AREL1: variants seen among roughly 807,000 people sequenced by gnomAD.
AREL1 encodes the protein apoptosis resistant E3 ubiquitin protein ligase 1, also known as apoptosis-resistant E3 ubiquitin protein ligase 1.
In AREL1, 62 loss-of-function variants were observed where a neutral mutation model predicts 99.0. The observed-to-expected ratio is 0.63, with a 90% CI of 0.51 to 0.77. The LOEUF (loss-of-function observed/expected upper bound fraction) is 0.77, where lower values mean the gene tolerates loss of function less well. Ranked by LOEUF, AREL1 falls within the 30% of genes least tolerant of loss-of-function variation. The pLI, the probability that AREL1 is intolerant of heterozygous loss-of-function variation, is 0.00. For synonymous variants in AREL1, 380 were observed against 376.5 expected, an observed-to-expected ratio of 1.01 and a Z score of -0.11; for missense variants, 879 against 1,027.6, an observed-to-expected ratio of 0.86 and a Z score of 1.98.
At chr14:74,711,987 A>G (rs1193321621) in intron 1 of AREL1, 1 of 141,594 alleles carries the variant, frequency 7.1e-6, no homozygotes, top group African/African-American at 2.5e-5. Flanking sequence ...TGACAGAGGT[A>G]CCCATTCCGT....
At chr14:74,695,609 A>G (rs1355153671) in intron 1 of AREL1, among the ~76,000 whole-genome samples, 1 of 152,030 alleles carries the variant, frequency 6.6e-6, no homozygotes, top group African/African-American at 2.4e-5. Flanking sequence ...CTCTTCCCAC[A>G]CCAGATAGAA....
rs1189941652 is a variant in AREL1, at chr14:74,713,076, G to A, written c.-477C>T. ...CACCCGGCCTGGGAACCGGCTCGGG[G>A]GATTGCCCTTTCCCCAAGGAGTTTC... is the stretch of plus-strand genomic sequence containing the variant. On this transcript the variant is annotated 5_prime_UTR_variant, in exon 1 of 20. Transcript: ENST00000356357. 1 of 1,588,074 alleles carries A rather than the reference G, an allele frequency of 6.3e-7. No individual in the cohort carries two copies. Among genetic ancestry groups the A allele is most frequent in the South Asian group, 1.1e-5 (1 of 90,472 alleles).
chr14:74,705,045 T>TG (rs1175227915), intron 1 of AREL1, among the ~76,000 whole-genome samples: 4 of 148,798 alleles, frequency 2.7e-5, no homozygotes, highest in South Asian at 4.2e-4. Context: ...CTTCTGTTGT[T>TG]TTTTTTTTTT....
At chr14:74,685,962 T>C (rs2089739025) in intron 2 of AREL1, among the ~76,000 whole-genome samples, 2 of 152,226 alleles carry the variant, frequency 1.3e-5, no homozygotes, top group Admixed American at 1.3e-4. Flanking sequence ...CTTAGATCCA[T>C]AGTTCCCAAG....
At chr14:74,678,069 A>G (rs2089534456) in intron 5 of AREL1, 1 of 385,478 alleles carries the variant, frequency 2.6e-6, no homozygotes, top group South Asian at 2.0e-5. Flanking sequence ...AGTTCCAGCA[A>G]GATTATTTAT....
Position 74,692,319 on chromosome 14 carries a change from C to G in AREL1, c.-324G>C, listed in dbSNP as rs936336250. On this transcript the variant is annotated 5_prime_UTR_variant, in exon 2 of 20. Coordinates refer to ENST00000356357, the MANE Select transcript of AREL1 (RefSeq NM_001039479.2). ...GGGTGCAATCGACTGCCAAAGGACG[C>G]CCCAGGATCCTGTCCAAAAAAGAAA... 13 of 432,656 alleles carry G rather than the reference C, an allele frequency of 3.0e-5. No individual in the cohort carries two copies. The Admixed American group carries it at 3.7e-4, about 12-fold the overall frequency. 26.8% of individuals were successfully genotyped at this position (432,656 alleles called of 1,614,324 possible).
In AREL1 at chr14:74,688,019, CT is replaced by C. The variant is rs764034669; in HGVS notation, c.-45-2360del. Among the ~76,000 whole-genome samples the C allele has an allele frequency of 4.1e-3, 446 of 108,712 alleles. 2 individuals carry two copies. Among genetic ancestry groups the C allele is most frequent in the African/African-American group, 0.013 (358 of 27,986 alleles). The allele number at this position is 108,712 out of a possible 152,430, so 71.3% of individuals were successfully genotyped here. A position where few individuals can be genotyped will look rare whatever the true frequency, so the allele number is the denominator to read the frequency against. On this transcript the variant is annotated intron_variant, in intron 2 of 19. Coordinates refer to ENST00000356357, the MANE Select transcript of AREL1 (RefSeq NM_001039479.2). ...TCGTCCAACAAATACTGAGTACTTA[CT>C]TTTTTTTTTTTTTTTTTTTTTTTTT...
chr14:74,683,244 AAGAG>A (rs1293002210), intron 5 of AREL1, 48 bp downstream of exon 5: 1 of 1,286,596 alleles, frequency 7.8e-7, no homozygotes, highest in Non-Finnish European at 1.1e-6. Flanking sequence ...ACAGGATGGA[AAGAG>A]AGAGAGGGAA....
chr14:74,671,626 A>C, intron 11 of AREL1, 143 bp from the exon 12 acceptor site: 1 of 504,370 alleles, frequency 2.0e-6, no homozygotes, highest in Non-Finnish European at 3.5e-6. Context: ...AACAAGCTTT[A>C]ATGATACCAC....
intron 17 of AREL1, among the ~76,000 whole-genome samples, chr14:74,666,844 C>G (rs1261744553): frequency 6.6e-6 from 1 of 151,864 alleles, no homozygotes; most frequent in East Asian, 1.9e-4. Flanking sequence ...CTCAGCTTCC[C>G]AAGTAGCTGG....
chr14:74,686,960 G>A (rs532941513), intron 2 of AREL1, among the ~76,000 whole-genome samples: 1 of 152,238 alleles, frequency 6.6e-6, no homozygotes, highest in South Asian at 2.1e-4. Context: ...CTCATCTCTT[G>A]GGACCCTATG....
intron 1 of AREL1, among the ~76,000 whole-genome samples, chr14:74,709,560 A>G (rs1308292220): frequency 6.6e-6 from 1 of 152,214 alleles, no homozygotes; most frequent in South Asian, 2.1e-4. Flanking sequence ...TGCTTTCTGA[A>G]TGAATGACCA....
chr14:74,705,541 A>C (rs925363544), intron 1 of AREL1, among the ~76,000 whole-genome samples: 1 of 152,194 alleles, frequency 6.6e-6, no homozygotes, highest in Non-Finnish European at 1.5e-5. Flanking sequence ...ATGCACCTTG[A>C]AGTTAAGCCA....
At position 74,685,758 on chromosome 14, in the gene AREL1, T is replaced by C. The variant is rs45559240; in HGVS notation, c.-45-98A>G. ...GAGTGTATGGCGTGAGCCAAACAAC[T>C]CTCTCTAGTCCAGAGCCTTACTATT... On this transcript the variant is annotated intron_variant, in intron 2 of 19. Coordinates refer to ENST00000356357, the MANE Select transcript of AREL1 (RefSeq NM_001039479.2). 5,004 of 993,578 alleles carry C rather than the reference T, an allele frequency of 5.0e-3. 25 individuals are homozygous for C. The highest frequency in any genetic ancestry group is 6.6e-3 in the Non-Finnish European group (4,311 of 653,730). 61.5% of individuals were successfully genotyped at this position (993,578 alleles called of 1,614,324 possible).
At position 74,669,862 on chromosome 14, in the gene AREL1, T is replaced by C. The variant is rs2089292142; in HGVS notation, c.1788+85A>G. The C allele has an allele frequency of 3.2e-6, 5 of 1,581,886 alleles. No individual in the cohort carries two copies. The South Asian group carries it at 5.7e-5, about 18-fold the overall frequency. Reference sequence around the variant, plus strand: ...TTAGAACCACTTATCCCTTCAACCTTAAAAATTATTTACAAGCCCAGGAGG... The same window carrying C: ...TTAGAACCACTTATCCCTTCAACCTCAAAAATTATTTACAAGCCCAGGAGG... On this transcript the variant is annotated intron_variant, in intron 14 of 19. Coordinates refer to ENST00000356357, the MANE Select transcript of AREL1 (RefSeq NM_001039479.2).
intron 17 of AREL1, 40 bp downstream of exon 17, chr14:74,667,279 T>C (rs1284424282): frequency 6.2e-7 from 1 of 1,613,104 alleles, no homozygotes; most frequent in Non-Finnish European, 8.5e-7. Flanking sequence ...GCTACAAAAA[T>C]GCCAAGTTAA....
intron 2 of AREL1, among the ~76,000 whole-genome samples, chr14:74,686,032 G>C (rs1407537085): frequency 6.6e-6 from 1 of 152,154 alleles, no homozygotes; most frequent in African/African-American, 2.4e-5. Flanking sequence ...GGGTAATGGA[G>C]TCACTTTCCC....
Position 74,663,383 on chromosome 14 carries a change from C to T in AREL1, c.*337G>A. The T allele has an allele frequency of 2.9e-6, 1 of 346,010 alleles. No homozygotes were observed. Among genetic ancestry groups the T allele is most frequent in the South Asian group, 2.6e-5 (1 of 38,290 alleles). The allele number at this position is 346,010 out of a possible 1,614,324, so 21.4% of individuals were successfully genotyped here. A position where few individuals can be genotyped will look rare whatever the true frequency, so the allele number is the denominator to read the frequency against. On this transcript the variant is annotated 3_prime_UTR_variant, in exon 20 of 20. Coordinates refer to ENST00000356357, the MANE Select transcript of AREL1 (RefSeq NM_001039479.2). ...CACAGTGTGGATTTAAGGGTCTCCA[C>T]ACCAGTTTCCCAACAGGGCTGAGCC...
At chr14:74,669,452 C>G (rs1316636912) in intron 15 of AREL1, among the ~76,000 whole-genome samples, 197 bp downstream of exon 15, 1 of 152,178 alleles carries the variant, frequency 6.6e-6, no homozygotes, top group East Asian at 1.9e-4. Context: ...AATACAGCAG[C>G]TGCTAGCCAA....
Sources: allele counts gnomAD v4.1 joint callset (sites outside exome capture counted in the v4.1 genomes callset), GRCh38; gene constraint gnomAD v4.1.1; transcripts MANE v1.5; gene names NCBI Gene and HGNC (gene_info 2026-07-23, HGNC 2026-07-21).